SNX32: variants seen among roughly 807,000 people sequenced by gnomAD.
SNX32 encodes the protein sorting nexin 32.
In SNX32, 58 loss-of-function variants were observed where a neutral mutation model predicts 57.0. That is an observed-to-expected ratio of 1.02 (90% CI 0.82 to 1.27). SNX32 has a LOEUF of 1.27. SNX32 is among the 50% of genes most tolerant of loss of function. The pLI is 0.00. For missense variants in SNX32, 589 were observed against 541.2 expected (o/e 1.09, Z -0.88); for synonymous variants, 262 against 220.4 (o/e 1.19, Z -1.67).
chr11:65,847,998 C>T (rs904003871), intron 1 of SNX32, among the ~76,000 whole-genome samples: 3 of 152,122 alleles, frequency 2.0e-5, no homozygotes, highest in African/African-American at 4.8e-5. Context: ...GCCGGACAGC[C>T]AGGAGGAGGG....
chr11:65,850,886 C>A, intron 6 of SNX32, 31 bp downstream of exon 6: 1 of 1,587,866 alleles, frequency 6.3e-7, no homozygotes, highest in Non-Finnish European at 8.6e-7. Flanking sequence ...CCGGATTCAA[C>A]CCAGCACCTC....
intron 1 of SNX32, among the ~76,000 whole-genome samples, chr11:65,839,223 G>GTTTTGTTTTT (rs755185237): frequency 4.3e-5 from 1 of 23,078 alleles, no homozygotes; most frequent in Non-Finnish European, 7.1e-5. Flanking sequence ...TAATTTTTTT[G>GTTTTGTTTTT]TATTTTTTTT....
At position 65,839,657 on chromosome 11, in the gene SNX32, A is replaced by G. The variant is rs1858784197; in HGVS notation, c.36+5556A>G. 2.0e-5 allele frequency among the ~76,000 whole-genome samples: 3 copies of G among 151,064 alleles called. No homozygotes were observed. The South Asian group carries it at 6.3e-4, about 32-fold the overall frequency. On this transcript the variant is annotated intron_variant, in intron 1 of 12. Transcript: ENST00000308342. ...CCGCACACCGGCTGGAAAATAAGTA[A>G]CTAAAAAAATTTTTTTTGTGAACCA...
chr11:65,846,403 C>T (rs904735641), intron 1 of SNX32, among the ~76,000 whole-genome samples: 1 of 151,484 alleles, frequency 6.6e-6, no homozygotes, highest in African/African-American at 2.4e-5. Context: ...CCCATCTCTA[C>T]TAAAAATACA....
chr11:65,850,611 G>A, intron 5 of SNX32, 57 bp downstream of exon 5: 14 of 1,564,080 alleles, frequency 9.0e-6, no homozygotes, highest in Non-Finnish European at 1.2e-5. Flanking sequence ...CCTTGGGTGG[G>A]GAGGCACCCA....
rs117430278 is a variant in SNX32, at chr11:65,851,164, C to G, written c.709+4C>G. The G allele has an allele frequency of 6.2e-7, 1 of 1,611,830 alleles. No individual in the cohort carries two copies. The highest frequency in any genetic ancestry group is 1.3e-5 in the African/African-American group (1 of 75,064). On this transcript the variant is annotated splice_donor_region_variant and intron_variant, in intron 7 of 12. Coordinates refer to ENST00000308342, the MANE Select transcript of SNX32 (RefSeq NM_152760.3). Reference sequence around the variant, plus strand: ...CGCGTCATGCGCGCCCACAAGTGTACGCAGGGCCCAAGGGGTCCTGGATCC... The same window carrying G: ...CGCGTCATGCGCGCCCACAAGTGTAGGCAGGGCCCAAGGGGTCCTGGATCC...
At chr11:65,842,991 G>A (rs556892641) in intron 1 of SNX32, among the ~76,000 whole-genome samples, 31 of 137,926 alleles carry the variant, frequency 2.2e-4, no homozygotes, top group African/African-American at 8.1e-4. Flanking sequence ...TTGGGAGGCC[G>A]AGACCGGGGG....
chr11:65,845,437 C>CA (rs759775048), intron 1 of SNX32, among the ~76,000 whole-genome samples: 2,295 of 121,364 alleles, frequency 0.019, 51 homozygotes, highest in East Asian at 0.12. Flanking sequence ...GACTCCATCT[C>CA]AAAAAAAAAA....
chr11:65,837,059 A>G (rs574709515), intron 1 of SNX32, among the ~76,000 whole-genome samples: 1 of 152,342 alleles, frequency 6.6e-6, no homozygotes, highest in South Asian at 2.1e-4. Context: ...CAGAACTTAA[A>G]GTAAAATTTA....
chr11:65,852,208 C>A (rs1459476936), intron 9 of SNX32, among the ~76,000 whole-genome samples: 2 of 152,130 alleles, frequency 1.3e-5, no homozygotes, highest in Admixed American at 1.3e-4. Flanking sequence ...ACTAAAGTTT[C>A]CCTGAACACA....
At chr11:65,841,793 A>G (rs1200877999) in intron 1 of SNX32, among the ~76,000 whole-genome samples, 1 of 152,040 alleles carries the variant, frequency 6.6e-6, no homozygotes, top group East Asian at 1.9e-4. Flanking sequence ...GAATCATCAA[A>G]TACCTAGGAA....
intron 1 of SNX32, among the ~76,000 whole-genome samples, chr11:65,838,890 G>A (rs969939934): frequency 2.4e-4 from 36 of 151,846 alleles, no homozygotes; most frequent in Admixed American, 2.0e-4. Context: ...AATTATAATG[G>A]AAATTAGAAA....
chr11:65,835,808 C>T (rs1036415714), intron 1 of SNX32: 2 of 152,166 alleles, frequency 1.3e-5, no homozygotes, highest in African/African-American at 4.8e-5. Context: ...GTCAGAGAAG[C>T]CAAGAAATGA....
At position 65,852,915 on chromosome 11, in the gene SNX32, A is replaced by G; in HGVS notation, c.1115A>G (p.Lys372Arg). The G allele has an allele frequency of 6.2e-7, 1 of 1,614,120 alleles. No homozygotes were observed. Among genetic ancestry groups the G allele is most frequent in the Non-Finnish European group, 8.5e-7 (1 of 1,180,002 alleles). Reference protein sequence around the residue: ...FKSRRVSSFRKNLIELAELEL... With the variant: ...FKSRRVSSFRRNLIELAELEL... ...TCCCGCCGGGTCTCCTCTTTTCGAAAGAATCTCATTGAGCTGGCAGAGCTG... is the reference window on the plus strand; with the variant it reads ...TCCCGCCGGGTCTCCTCTTTTCGAAGGAATCTCATTGAGCTGGCAGAGCTG... Residue 372 changes from lysine to arginine, a missense_variant, in exon 12 of 13, where the codon AAG becomes AGG. Transcript: ENST00000308342.
At chr11:65,834,349 C>CTGTG (rs200213689) in intron 1 of SNX32, among the ~76,000 whole-genome samples, 7 of 149,744 alleles carry the variant, frequency 4.7e-5, no homozygotes, top group African/African-American at 1.5e-4. Flanking sequence ...CTCTGTGTGT[C>CTGTG]TGTGTGTCTG....
Position 65,851,131 on chromosome 11 carries a change from G to A in SNX32, c.680G>A (p.Arg227Gln), listed in dbSNP as rs368563181. 29 of 1,613,270 alleles carry A rather than the reference G, an allele frequency of 1.8e-5. No individual in the cohort carries two copies. The East Asian group carries it at 2.0e-4, about 11-fold the overall frequency. Residue 227 changes from arginine (R) to glutamine (Q), a missense_variant, in exon 7 of 13, where the codon CGG becomes CAG. Coordinates refer to ENST00000308342, the MANE Select transcript of SNX32 (RefSeq NM_152760.3). ...ACCCGTATCCGAGATGCCTGCCTGCGGGCCGACCGCGTCATGCGCGCCCAC... is the reference window on the plus strand; with the variant it reads ...ACCCGTATCCGAGATGCCTGCCTGCAGGCCGACCGCGTCATGCGCGCCCAC... The part of the protein sequence containing the change: ...YHTRIRDACL[R>Q]ADRVMRAHKC...
At chr11:65,847,129 C>G (rs551969165) in intron 1 of SNX32, among the ~76,000 whole-genome samples, 58 of 152,094 alleles carry the variant, frequency 3.8e-4, no homozygotes, top group African/African-American at 8.9e-4. Context: ...TCAGCCCCCC[C>G]CAAGTAGCTG....
rs372344292 is a variant in SNX32 at position 65,852,698 on chromosome 11, G to A, written c.981G>A (p.Ala327=). The part of the protein sequence containing the change: ...YENANKALDK[A]RTRNREVRPA... ...ATGCCAACAAGGCGCTGGACAAGGC[G>A]CGCACCAGGAACCGGGAGGTGCGGC... The change falls in exon 11 of 13, where the codon GCG becomes GCA. Residue 327 remains alanine (A), a synonymous_variant. Coordinates refer to ENST00000308342, the MANE Select transcript of SNX32 (RefSeq NM_152760.3). 2.4e-3 allele frequency: 3,822 copies of A among 1,597,344 alleles called. 108 individuals carry two copies. The South Asian group carries it at 0.039, about 16-fold the overall frequency.
In SNX32 at chr11:65,849,592, T is replaced by C. The variant is rs1309345997; in HGVS notation, c.141+10T>C. ...CACTGTTCAAACAAAGGTGAGGCAG[T>C]GCGGGGCACGAGGAAAGGTCCTGGT... On this transcript the variant is annotated intron_variant, in intron 2 of 12. Transcript: ENST00000308342. The C allele has an allele frequency of 6.2e-7, 1 of 1,612,720 alleles. No individual in the cohort carries two copies. The highest frequency in any genetic ancestry group is 8.5e-7 in the Non-Finnish European group (1 of 1,179,062).
Sources: gnomAD v4.1 joint callset for allele counts (sites outside exome capture counted in the v4.1 genomes callset) on GRCh38, gnomAD v4.1.1 for gene constraint, MANE v1.5 for transcripts, NCBI Gene and HGNC (gene_info 2026-07-23, HGNC 2026-07-21) for gene names.